The following TNFRSF10B variants were observed in gnomAD, a reference collection of about 807,000 sequenced individuals.
The protein encoded by TNFRSF10B is TNF receptor superfamily member 10b.
TNFRSF10B carries 35 observed loss-of-function variants against 41.4 expected under a neutral mutation model. The observed-to-expected ratio is 0.85, with a 90% CI of 0.65 to 1.12. The LOEUF (loss-of-function observed/expected upper bound fraction) is 1.12, where lower values mean the gene tolerates loss of function less well. Ranked by LOEUF, TNFRSF10B falls within the 50% of genes most tolerant of loss-of-function variation. The pLI is 0.00. For missense variants in TNFRSF10B, 584 were observed against 552.7 expected (o/e 1.06, Z -0.57); for synonymous variants, 230 against 215.5 (o/e 1.07, Z -0.59).
rs1811536217 is a variant in TNFRSF10B, at chr8:23,021,907, A to G, written c.*764T>C. The G allele has an allele frequency of 4.4e-6, 2 of 453,714 alleles. No individual in the cohort carries two copies. The highest frequency in any genetic ancestry group is 8.8e-6 in the Non-Finnish European group (2 of 226,682). 28.1% of individuals were successfully genotyped at this position (453,714 alleles called of 1,614,324 possible). A position where few individuals can be genotyped will look rare whatever the true frequency, so the allele number is the denominator to read the frequency against. ...ATCTATTCACATAACTATGTAAACA[A>G]GTACATTTACTAAAGTTTCTTCATG... On this transcript the variant is annotated 3_prime_UTR_variant, in exon 9 of 9. Coordinates refer to ENST00000276431, the MANE Select transcript of TNFRSF10B (RefSeq NM_003842.5).
intron 1 of TNFRSF10B, among the ~76,000 whole-genome samples, chr8:23,059,586 A>G (rs1812765794): frequency 6.6e-6 from 1 of 152,170 alleles, no homozygotes; most frequent in Non-Finnish European, 1.5e-5. Flanking sequence ...AGCTCACTGC[A>G]AGCTCCGCCT....
intron 1 of TNFRSF10B, among the ~76,000 whole-genome samples, chr8:23,047,547 A>G (rs914632075): frequency 7.2e-5 from 11 of 152,116 alleles, no homozygotes; most frequent in African/African-American, 2.7e-4. Context: ...AAGGGACCTG[A>G]GTAGACATTT....
intron 8 of TNFRSF10B, among the ~76,000 whole-genome samples, chr8:23,023,889 GC>G (rs1811620664): frequency 6.6e-6 from 1 of 152,184 alleles, no homozygotes. Context: ...GGACAGGCCA[GC>G]CCCTCAGGAG....
intron 1 of TNFRSF10B, 59 bp downstream of exon 1, chr8:23,068,692 T>C (rs1813075408): frequency 1.3e-6 from 2 of 1,540,236 alleles, no homozygotes; most frequent in South Asian, 1.2e-5. Context: ...CCTCTCTCCC[T>C]GCCCTCTCCA....
rs1813088018 is a variant in TNFRSF10B, at chr8:23,068,907, C to T, written c.-13G>A. Reference sequence around the variant, plus strand: ...CCCGTTGTTCCATGGCGGTAGGGAACGCTCTTATAGTCTCTCAGGCCCGTG... The same window carrying T: ...CCCGTTGTTCCATGGCGGTAGGGAATGCTCTTATAGTCTCTCAGGCCCGTG... On this transcript the variant is annotated 5_prime_UTR_variant, in exon 1 of 9. Coordinates refer to ENST00000276431, the MANE Select transcript of TNFRSF10B (RefSeq NM_003842.5). 4.3e-6 allele frequency: 7 copies of T among 1,613,372 alleles called. No homozygotes were observed.
At chr8:23,043,004 G>T in intron 2 of TNFRSF10B, 134 bp downstream of exon 2, 1 of 752,480 alleles carries the variant, frequency 1.3e-6, no homozygotes, top group Non-Finnish European at 2.2e-6. Flanking sequence ...GCTCCAGAAG[G>T]ACAGAGCCTT....
chr8:23,029,434 T>G (rs1585208308), intron 4 of TNFRSF10B, among the ~76,000 whole-genome samples, 176 bp downstream of exon 4: 2 of 148,164 alleles, frequency 1.3e-5, no homozygotes, highest in East Asian at 2.0e-4. Flanking sequence ...TGGGGAGGGG[T>G]GGAAAGAGGC....
chr8:23,025,794 G>C (rs1159191982), intron 7 of TNFRSF10B, among the ~76,000 whole-genome samples: 1 of 152,170 alleles, frequency 6.6e-6, no homozygotes, highest in Non-Finnish European at 1.5e-5. Flanking sequence ...AAAATGATCA[G>C]GCCAGGCATG....
chr8:23,054,408 T>G (rs1585224005), intron 1 of TNFRSF10B, among the ~76,000 whole-genome samples: 2 of 152,328 alleles, frequency 1.3e-5, no homozygotes, highest in Admixed American at 6.5e-5. Context: ...TGAACAAAAT[T>G]TGGAGCATAT....
intron 8 of TNFRSF10B, 113 bp downstream of exon 8, chr8:23,024,075 C>G: frequency 7.3e-7 from 1 of 1,371,862 alleles, no homozygotes. Context: ...ACAGGACCCA[C>G]GGCTTCCAGC....
intron 1 of TNFRSF10B, 91 bp downstream of exon 1, chr8:23,068,660 C>A: frequency 6.7e-7 from 1 of 1,492,622 alleles, no homozygotes; most frequent in Non-Finnish European, 8.9e-7. Flanking sequence ...GCGACCCGGG[C>A]CACGCACCCC....
At chr8:23,029,534 A>G (rs1053225367) in intron 4 of TNFRSF10B, 76 bp downstream of exon 4, 1 of 1,419,832 alleles carries the variant, frequency 7.0e-7, no homozygotes, top group Non-Finnish European at 9.7e-7. Context: ...CTGTCAGGGG[A>G]GAGACAGGGG....
intron 2 of TNFRSF10B, among the ~76,000 whole-genome samples, chr8:23,038,565 A>G (rs1463222912): frequency 1.3e-5 from 2 of 152,166 alleles, no homozygotes; most frequent in Non-Finnish European, 2.9e-5. Context: ...TTTTGAATTT[A>G]TATCATAGTA....
At chr8:23,050,726 AATTC>A (rs1474295995) in intron 1 of TNFRSF10B, among the ~76,000 whole-genome samples, 1 of 152,200 alleles carries the variant, frequency 6.6e-6, no homozygotes, top group Non-Finnish European at 1.5e-5. Context: ...GCCTCATAAT[AATTC>A]TCCCTTTTTG....
At chr8:23,025,562 G>C (rs1173721691) in intron 7 of TNFRSF10B, among the ~76,000 whole-genome samples, 1 of 152,176 alleles carries the variant, frequency 6.6e-6, no homozygotes, top group Non-Finnish European at 1.5e-5. Flanking sequence ...TGTTGTACAT[G>C]ATATAATCCT....
intron 2 of TNFRSF10B, among the ~76,000 whole-genome samples, chr8:23,035,509 A>T (rs887924612): frequency 6.6e-6 from 1 of 152,166 alleles, no homozygotes; most frequent in African/African-American, 2.4e-5. Flanking sequence ...TACTGATGAC[A>T]TTATACTGAT....
At chr8:23,062,539 G>A (rs1221166233) in intron 1 of TNFRSF10B, among the ~76,000 whole-genome samples, 3 of 152,048 alleles carry the variant, frequency 2.0e-5, no homozygotes, top group African/African-American at 7.2e-5. Context: ...TCTATTCTCT[G>A]TTTTATTTAT....
At chr8:23,046,114 T>C (rs1468924985) in intron 1 of TNFRSF10B, among the ~76,000 whole-genome samples, 1 of 152,148 alleles carries the variant, frequency 6.6e-6, no homozygotes, top group African/African-American at 2.4e-5. Context: ...AGAAAAGAAT[T>C]ATTAGGTATT....
At chr8:23,040,590 GAAC>G (rs1241551904) in intron 2 of TNFRSF10B, among the ~76,000 whole-genome samples, 1 of 150,622 alleles carries the variant, frequency 6.6e-6, no homozygotes, top group Non-Finnish European at 1.5e-5. Context: ...GATAAGGGAG[GAAC>G]AAAATATATA....
Sources: gnomAD v4.1 joint callset for allele counts (sites outside exome capture counted in the v4.1 genomes callset) on GRCh38, gnomAD v4.1.1 for gene constraint, MANE v1.5 for transcripts, NCBI Gene and HGNC (gene_info 2026-07-23, HGNC 2026-07-21) for gene names.